DNAJC15: variants seen among roughly 807,000 people sequenced by gnomAD.
The protein encoded by DNAJC15 is DnaJ heat shock protein family (Hsp40) member C15.
In DNAJC15, 27 loss-of-function variants were observed where a neutral mutation model predicts 22.4. The ratio of observed to expected loss-of-function variants is 1.20; its 90% confidence interval spans 0.89 to 1.66. The LOEUF is 1.66. Ranked by LOEUF, DNAJC15 falls within the 40% of genes most tolerant of loss-of-function variation. The pLI is 0.00. For missense variants in DNAJC15, 208 were observed against 187.1 expected (o/e 1.11, Z -0.65); for synonymous variants, 79 against 63.2 (o/e 1.25, Z -1.19).
chr13:43,036,824 G>C (rs1032499978), intron 1 of DNAJC15, among the ~76,000 whole-genome samples: 1 of 152,252 alleles, frequency 6.6e-6, no homozygotes, highest in East Asian at 1.9e-4. Context: ...TGTCATCACC[G>C]CTCTTAGTGC....
At chr13:43,061,866 A>G (rs570002163) in intron 1 of DNAJC15, among the ~76,000 whole-genome samples, 164 of 152,320 alleles carry the variant, frequency 1.1e-3, no homozygotes, top group African/African-American at 3.8e-3. Flanking sequence ...AAAAAGCAAG[A>G]TCTTTAGGAG....
intron 5 of DNAJC15, among the ~76,000 whole-genome samples, chr13:43,088,115 C>T (rs866038121): frequency 1.3e-5 from 2 of 152,146 alleles, no homozygotes; most frequent in African/African-American, 2.4e-5. Context: ...CTGTCTAATG[C>T]AGTCTTAATC....
rs1377527264 is a variant in DNAJC15, at chr13:43,113,856, G to C, written c.*6608G>C. 1 of 152,214 alleles carries C rather than the reference G, an allele frequency of 6.6e-6. No homozygotes were observed. The highest frequency in any genetic ancestry group is 1.5e-5 in the Non-Finnish European group (1 of 68,048). The allele number at this position is 152,214 out of a possible 1,614,324, so 9.4% of individuals were successfully genotyped here. On this transcript the variant is annotated 3_prime_UTR_variant, in exon 6 of 6. Transcript: ENST00000379221. The stretch of plus-strand genomic sequence containing the variant: ...CTGCCCCAGAATGTTGTACAGTGCA[G>C]TGCTGAAGAAAGCAGCAGGTACACA...
chr13:43,025,740 C>T (rs577743989), intron 1 of DNAJC15, among the ~76,000 whole-genome samples: 1 of 152,188 alleles, frequency 6.6e-6, no homozygotes, highest in East Asian at 1.9e-4. Context: ...CGTGTCTCTA[C>T]TAAAAATACA....
chr13:43,063,590 G>A (rs916673585), intron 1 of DNAJC15, among the ~76,000 whole-genome samples: 3 of 152,118 alleles, frequency 2.0e-5, no homozygotes, highest in Admixed American at 6.5e-5. Context: ...ATATGTTTTA[G>A]CCATTTAATT....
intron 1 of DNAJC15, among the ~76,000 whole-genome samples, chr13:43,032,749 C>T (rs879219600): frequency 8.6e-5 from 13 of 152,000 alleles, no homozygotes; most frequent in African/African-American, 1.2e-4. Context: ...ACCTTGAACC[C>T]GGGAGGTGGA....
At chr13:43,101,104 T>C (rs1245547164) in intron 5 of DNAJC15, among the ~76,000 whole-genome samples, 1 of 152,262 alleles carries the variant, frequency 6.6e-6, no homozygotes, top group Non-Finnish European at 1.5e-5. Flanking sequence ...GATATGTCTT[T>C]TTCCATCCTT....
rs1391653989 is a variant in DNAJC15, at chr13:43,112,062, TG to T, written c.*4816del. On this transcript the variant is annotated 3_prime_UTR_variant, in exon 6 of 6. Transcript: ENST00000379221. ...TGCCCACCAGCAAAATTGCTGGGCA[TG>T]GTGGACAAAGAAAATGTTCCTTCTA... 2 of 152,238 alleles carry T rather than the reference TG, an allele frequency of 1.3e-5. No homozygotes were observed. 9.4% of individuals were successfully genotyped at this position (152,238 alleles called of 1,614,324 possible).
rs1490138184 is a variant in DNAJC15 at position 43,113,993 on chromosome 13, C to A, written c.*6745C>A. ...GCCTTCTACTCTATCTCATTTTGTA[C>A]TCGCTTACATACTACATTCTTGTTT... On this transcript the variant is annotated 3_prime_UTR_variant, in exon 6 of 6. Transcript: ENST00000379221. 6.6e-6 allele frequency: 1 copy of A among 152,104 alleles called. No homozygotes were observed. Among genetic ancestry groups the A allele is most frequent in the Non-Finnish European group, 1.5e-5 (1 of 68,030 alleles). 9.4% of individuals were successfully genotyped at this position (152,104 alleles called of 1,614,324 possible).
chr13:43,034,305 CTTTTT>C (rs753362468), intron 1 of DNAJC15, among the ~76,000 whole-genome samples: 2 of 60,616 alleles, frequency 3.3e-5, no homozygotes, highest in East Asian at 7.2e-4. Context: ...GAGATTTGTC[CTTTTT>C]TTTTTTTTTT....
At chr13:43,086,960 A>G (rs1029023726) in intron 5 of DNAJC15, among the ~76,000 whole-genome samples, 8 of 152,110 alleles carry the variant, frequency 5.3e-5, no homozygotes, top group African/African-American at 1.9e-4. Context: ...AGGGATCAGC[A>G]TTTTTCTTTG....
At chr13:43,047,334 A>T (rs374295330) in intron 1 of DNAJC15, among the ~76,000 whole-genome samples, 2 of 152,314 alleles carry the variant, frequency 1.3e-5, no homozygotes, top group East Asian at 3.9e-4. Flanking sequence ...CAGTAGAAAG[A>T]TCTCCTGAGT....
intron 1 of DNAJC15, among the ~76,000 whole-genome samples, chr13:43,052,369 T>G (rs2040509307): frequency 6.6e-6 from 1 of 152,186 alleles, no homozygotes; most frequent in Non-Finnish European, 1.5e-5. Flanking sequence ...AGCCATATGT[T>G]TTTTGGCTAT....
intron 1 of DNAJC15, among the ~76,000 whole-genome samples, chr13:43,038,299 A>G (rs1002248667): frequency 6.6e-6 from 1 of 152,216 alleles, no homozygotes; most frequent in Non-Finnish European, 1.5e-5. Flanking sequence ...TGTTCATTGA[A>G]CCATTCTTTT....
intron 1 of DNAJC15, among the ~76,000 whole-genome samples, chr13:43,032,251 A>C (rs1273662406): frequency 2.0e-5 from 3 of 152,166 alleles, no homozygotes; most frequent in Non-Finnish European, 4.4e-5. Context: ...AGCCTGTAGG[A>C]CTTAGCTCTT....
intron 1 of DNAJC15, among the ~76,000 whole-genome samples, chr13:43,053,227 A>G (rs986550604): frequency 6.6e-6 from 1 of 151,994 alleles, no homozygotes; most frequent in Admixed American, 6.5e-5. Flanking sequence ...ATTTGGCTTT[A>G]TTTCTGGGTT....
chr13:43,036,780 G>A (rs2040430900), intron 1 of DNAJC15, among the ~76,000 whole-genome samples: 1 of 152,262 alleles, frequency 6.6e-6, no homozygotes, highest in Admixed American at 6.5e-5. Context: ...TGTGCCCAAA[G>A]TCTAGAGGGG....
At chr13:43,058,026 CTT>C (rs148976869) in intron 1 of DNAJC15, among the ~76,000 whole-genome samples, 2,885 of 152,224 alleles carry the variant, frequency 0.019, 71 homozygotes, top group South Asian at 0.11. Context: ...GAAGTGGACT[CTT>C]TGTAGTTTTG....
At position 43,093,950 on chromosome 13, in the gene DNAJC15, A is replaced by C. The variant is rs113827467; in HGVS notation, c.382+8112A>C. Reference sequence around the variant, plus strand: ...CAACCTCTACATTCATTCTGTTGTGATATGTTGTTTTGTTTAAATGTATGA... The same window carrying C: ...CAACCTCTACATTCATTCTGTTGTGCTATGTTGTTTTGTTTAAATGTATGA... On this transcript the variant is annotated intron_variant, in intron 5 of 5. Transcript: ENST00000379221. 6.1e-3 allele frequency among the ~76,000 whole-genome samples: 922 copies of C among 152,268 alleles called. 14 individuals carry two copies. Among genetic ancestry groups the C allele is most frequent in the African/African-American group, 0.019 (784 of 41,552 alleles).
Sources: allele counts gnomAD v4.1 joint callset (sites outside exome capture counted in the v4.1 genomes callset), GRCh38; gene constraint gnomAD v4.1.1; transcripts MANE v1.5; gene names NCBI Gene and HGNC (gene_info 2026-07-23, HGNC 2026-07-21).